Variants in PDE4D observed in about 807,000 individuals in gnomAD.
PDE4D encodes the protein 3',5'-cyclic-AMP phosphodiesterase 4D.
Under a neutral mutation model 87.4 loss-of-function variants are expected in PDE4D, and 24 were observed. The observed-to-expected ratio is 0.27, with a 90% CI of 0.20 to 0.39. PDE4D has a LOEUF of 0.39. Among genes scored for constraint, PDE4D ranks in the 10% least tolerant of loss-of-function variants. PDE4D has a pLI of 1.00. For missense variants in PDE4D, 714 were observed against 1,041.0 expected, an observed-to-expected ratio of 0.69 and a Z score of 4.32; for synonymous variants, 384 against 383.2, an observed-to-expected ratio of 1.00 and a Z score of -0.02.
chr5:60,118,216 C>A (rs982217565), intron 2 of PDE4D, among the ~76,000 whole-genome samples: 2 of 152,072 alleles, frequency 1.3e-5, no homozygotes, highest in African/African-American at 4.8e-5. Flanking sequence ...GCAGTCCTAT[C>A]CTGAACTGAT....
chr5:59,728,415 AC>A lies in PDE4D; in HGVS notation c.455+164752del, dbSNP rs1580717633. On this transcript the variant is annotated intron_variant, in intron 1 of 14. Transcript: ENST00000340635. ...ATGGCATTTCTCCTGGGAGGCTCAA[AC>A]AAGTAAACATTCTACCCTGACGTTG... 2.6e-5 allele frequency among the ~76,000 whole-genome samples: 4 copies of A among 152,086 alleles called. No homozygotes were observed. The East Asian group carries it at 7.7e-4, about 29-fold the overall frequency.
Position 59,240,540 on chromosome 5 carries a change from C to T in PDE4D, c.456-24572G>A, listed in dbSNP as rs1278390519. Among the ~76,000 whole-genome samples, 4 of 152,234 alleles carry T rather than the reference C, an allele frequency of 2.6e-5. No homozygotes were observed. The East Asian group carries it at 7.7e-4, about 29-fold the overall frequency. ...CATGTCTGTAAAACACTAAGCTCAG[C>T]TCAAGACCTGCAGATCTTCCTAGTG... On this transcript the variant is annotated intron_variant, in intron 1 of 14. Coordinates refer to ENST00000340635, the MANE Select transcript of PDE4D (RefSeq NM_001104631.2).
At chr5:59,831,528 A>G (rs535645015) in intron 1 of PDE4D, among the ~76,000 whole-genome samples, 259 of 152,162 alleles carry the variant, frequency 1.7e-3, no homozygotes, top group African/African-American at 6.1e-3. Flanking sequence ...TAATCACTGC[A>G]CCAATCTGAT....
intron 2 of PDE4D, among the ~76,000 whole-genome samples, chr5:60,039,330 C>A (rs1768186097): frequency 6.6e-6 from 1 of 150,776 alleles, no homozygotes; most frequent in African/African-American, 2.4e-5. Flanking sequence ...TAAACTATCA[C>A]AAGAACAAAA....
chr5:59,529,065 G>A (rs532664152), intron 1 of PDE4D: 91 of 468,344 alleles, frequency 1.9e-4, no homozygotes, highest in South Asian at 7.7e-4. Flanking sequence ...GCCTTAATTC[G>A]TTGGACCTAT....
chr5:59,009,113 A>G (rs1228572670), intron 6 of PDE4D, among the ~76,000 whole-genome samples: 1 of 152,148 alleles, frequency 6.6e-6, no homozygotes, highest in Non-Finnish European at 1.5e-5. Context: ...AAATTCTCAT[A>G]CATTGCTAGT....
chr5:60,242,829 AG>A (rs1273221331), intron 1 of PDE4D, among the ~76,000 whole-genome samples: 1 of 152,088 alleles, frequency 6.6e-6, no homozygotes, highest in Non-Finnish European at 1.5e-5. Context: ...ATACAGCAAA[AG>A]CAGTACTAAA....
intron 5 of PDE4D, among the ~76,000 whole-genome samples, chr5:59,151,130 T>C (rs923316791): frequency 2.0e-5 from 3 of 152,156 alleles, no homozygotes; most frequent in African/African-American, 7.2e-5. Context: ...TTATTTCTGG[T>C]AACCGAGCTG....
intron 1 of PDE4D, among the ~76,000 whole-genome samples, chr5:60,288,574 T>C (rs986962295): frequency 6.6e-6 from 1 of 152,186 alleles, no homozygotes; most frequent in Admixed American, 6.5e-5. Flanking sequence ...ACTAGTGATA[T>C]GTATGAAAAA....
chr5:58,985,304 C>A (rs1746148893), intron 11 of PDE4D, among the ~76,000 whole-genome samples: 1 of 152,166 alleles, frequency 6.6e-6, no homozygotes, highest in African/African-American at 2.4e-5. Flanking sequence ...GTTCACAGTA[C>A]CCACACTCAA....
At chr5:59,140,700 T>C (rs766229267) in intron 5 of PDE4D, among the ~76,000 whole-genome samples, 3 of 152,166 alleles carry the variant, frequency 2.0e-5, no homozygotes, top group Non-Finnish European at 4.4e-5. Flanking sequence ...TAACAAGACA[T>C]CTGTATTCAA....
intron 1 of PDE4D, among the ~76,000 whole-genome samples, chr5:59,496,483 C>G (rs1807219736): frequency 6.6e-6 from 1 of 152,160 alleles, no homozygotes; most frequent in Non-Finnish European, 1.5e-5. Flanking sequence ...CACTTCCCAG[C>G]ATCCCTTACA....
chr5:59,202,807 C>T (rs1333741939), intron 2 of PDE4D, among the ~76,000 whole-genome samples: 1 of 152,128 alleles, frequency 6.6e-6, no homozygotes, highest in East Asian at 1.9e-4. Context: ...GTGAGGCCTC[C>T]CCAGCCACGT....
At chr5:59,488,864 G>C (rs1805662930) in intron 1 of PDE4D, among the ~76,000 whole-genome samples, 1 of 152,044 alleles carries the variant, frequency 6.6e-6, no homozygotes. Context: ...GTGGGAGCAA[G>C]GCAGACGCAT....
intron 1 of PDE4D, among the ~76,000 whole-genome samples, chr5:59,760,235 T>G (rs1761801707): frequency 6.6e-6 from 1 of 152,196 alleles, no homozygotes; most frequent in Admixed American, 6.5e-5. Context: ...CAATGCCTGA[T>G]AAAGAGAAAT....
At chr5:59,007,171 G>A (rs1189412959) in intron 6 of PDE4D, among the ~76,000 whole-genome samples, 1 of 152,144 alleles carries the variant, frequency 6.6e-6, no homozygotes, top group Non-Finnish European at 1.5e-5. Flanking sequence ...CCAACATAAG[G>A]AGTTTTCCAG....
chr5:59,759,712 G>A (rs917300219), intron 1 of PDE4D, among the ~76,000 whole-genome samples: 5 of 152,148 alleles, frequency 3.3e-5, no homozygotes, highest in African/African-American at 1.2e-4. Context: ...AGACATGGCT[G>A]AAGGTTAGGG....
chr5:60,140,389 T>G (rs137956825), intron 2 of PDE4D, among the ~76,000 whole-genome samples: 3 of 151,916 alleles, frequency 2.0e-5, no homozygotes, highest in African/African-American at 7.3e-5. Flanking sequence ...TCGGGTATAG[T>G]CTCCTCACTT....
intron 5 of PDE4D, among the ~76,000 whole-genome samples, chr5:59,167,544 A>G (rs1782099118): frequency 6.6e-6 from 1 of 152,150 alleles, no homozygotes; most frequent in Non-Finnish European, 1.5e-5. Context: ...AGTATTCCCT[A>G]AATTTCTGAA....
Sources: gnomAD v4.1 joint callset for allele counts (sites outside exome capture counted in the v4.1 genomes callset) on GRCh38, gnomAD v4.1.1 for gene constraint, MANE v1.5 for transcripts, NCBI Gene and HGNC (gene_info 2026-07-23, HGNC 2026-07-21) for gene names.